DGKB: variants seen among roughly 807,000 people sequenced by gnomAD.
The protein encoded by DGKB is 90 kDa diacylglycerol kinase.
Under a neutral mutation model 114.3 loss-of-function variants are expected in DGKB, and 67 were observed. The ratio of observed to expected loss-of-function variants is 0.59; its 90% confidence interval spans 0.48 to 0.72. The LOEUF is 0.72. Ranked by LOEUF, DGKB falls within the 30% of genes least tolerant of loss-of-function variation. The pLI is 0.00. For missense variants in DGKB, 907 were observed against 975.2 expected, an observed-to-expected ratio of 0.93 and a Z score of 0.93; for synonymous variants, 398 against 323.1, an observed-to-expected ratio of 1.23 and a Z score of -2.49.
At chr7:14,241,985 C>T (rs10441024) in intron 23 of DGKB, among the ~76,000 whole-genome samples, 79,358 of 148,920 alleles carry the variant, frequency 0.53, 21,171 homozygotes, top group African/African-American at 0.62. Context: ...CACACACACA[C>T]ACATATATAT....
intron 6 of DGKB, among the ~76,000 whole-genome samples, chr7:14,715,322 T>C (rs1828013067): frequency 6.6e-6 from 1 of 152,086 alleles, no homozygotes; most frequent in South Asian, 2.1e-4. Flanking sequence ...GTAACAGAAG[T>C]GAATGGCTGA....
intron 21 of DGKB, among the ~76,000 whole-genome samples, chr7:14,433,821 T>C (rs1262339816): frequency 1.3e-5 from 2 of 152,210 alleles, no homozygotes; most frequent in East Asian, 1.9e-4. Flanking sequence ...TACAATGAGA[T>C]ATCTTGGGGA....
In DGKB at chr7:14,722,996, C is replaced by CCTTT. The variant is rs544191343; in HGVS notation, c.323-4315_323-4312dup. The stretch of plus-strand genomic sequence containing the variant: ...GAGTTATTTTTACACCCTACTCTAC[C>CCTTT]CTTTATTTATTTATTTATTTATTTA... On this transcript the variant is annotated intron_variant, in intron 5 of 25. Transcript: ENST00000402815. 3.0e-4 allele frequency among the ~76,000 whole-genome samples: 30 copies of CCTTT among 100,688 alleles called. No homozygotes were observed. The South Asian group carries it at 0.011, about 38-fold the overall frequency. The allele number at this position is 100,688 out of a possible 152,430, so 66.1% of individuals were successfully genotyped here.
At chr7:14,527,084 G>A (rs1015523885) in intron 20 of DGKB, among the ~76,000 whole-genome samples, 2 of 151,992 alleles carry the variant, frequency 1.3e-5, no homozygotes, top group African/African-American at 4.8e-5. Context: ...TTTCAGCATC[G>A]ATTTCTGGTT....
intron 20 of DGKB, among the ~76,000 whole-genome samples, chr7:14,522,560 C>T (rs879566781): frequency 6.6e-6 from 1 of 152,154 alleles, no homozygotes; most frequent in Non-Finnish European, 1.5e-5. Context: ...TCGGCAGTGG[C>T]AGCAAGCCCT....
At chr7:14,621,267 T>C (rs1168321837) in intron 15 of DGKB, 111 bp downstream of exon 15, 1 of 653,340 alleles carries the variant, frequency 1.5e-6, no homozygotes, top group African/African-American at 1.9e-5. Flanking sequence ...AAGAGTCTAC[T>C]AAGCTAATAT....
At position 14,970,032 on chromosome 7, in the gene DGKB, T is replaced by C. The variant is rs78796726; in HGVS notation, c.-188+4664A>G. On this transcript the variant is annotated intron_variant, in intron 1 of 4. Transcript: ENST00000437998. ...TCCATCCTTGACTGAAACATCATTA[T>C]GTGGCATGTGACTGTATTTGAAAGT... Among the ~76,000 whole-genome samples, 562 of 152,304 alleles carry C rather than the reference T, an allele frequency of 3.7e-3. 3 individuals are homozygous for C. The highest frequency in any genetic ancestry group is 0.013 in the African/African-American group (539 of 41,570).
At chr7:14,663,072 G>A (rs995149141) in intron 13 of DGKB, among the ~76,000 whole-genome samples, 3 of 151,930 alleles carry the variant, frequency 2.0e-5, no homozygotes, top group African/African-American at 7.2e-5. Context: ...GGGACAAAAT[G>A]TTAATAGCTC....
chr7:14,712,537 G>A (rs1258148100), intron 6 of DGKB, among the ~76,000 whole-genome samples: 1 of 152,074 alleles, frequency 6.6e-6, no homozygotes, highest in Non-Finnish European at 1.5e-5. Context: ...CAGGCATAGT[G>A]ACACATGCCT....
intron 23 of DGKB, among the ~76,000 whole-genome samples, chr7:14,275,442 G>A (rs1006743548): frequency 6.6e-6 from 1 of 152,104 alleles, no homozygotes; most frequent in Non-Finnish European, 1.5e-5. Context: ...ACTAATCCAG[G>A]CTTACATTTA....
chr7:14,186,458 G>A (rs1783452284), intron 23 of DGKB, among the ~76,000 whole-genome samples: 1 of 152,180 alleles, frequency 6.6e-6, no homozygotes, highest in Non-Finnish European at 1.5e-5. Flanking sequence ...AAAACAGTGT[G>A]GAGATTCCTT....
chr7:14,550,382 A>G (rs1317619516), intron 20 of DGKB, among the ~76,000 whole-genome samples: 1 of 152,184 alleles, frequency 6.6e-6, no homozygotes, highest in Non-Finnish European at 1.5e-5. Flanking sequence ...GCTCTGAGGT[A>G]AAATTATCAA....
At chr7:14,260,992 G>A (rs1796695394) in intron 23 of DGKB, among the ~76,000 whole-genome samples, 2 of 152,130 alleles carry the variant, frequency 1.3e-5, no homozygotes, top group Non-Finnish European at 2.9e-5. Flanking sequence ...TTCACTAAGT[G>A]TGTCTAGTAG....
chr7:14,593,866 A>G (rs1159293662), intron 17 of DGKB, among the ~76,000 whole-genome samples: 1 of 151,734 alleles, frequency 6.6e-6, no homozygotes, highest in East Asian at 1.9e-4. Context: ...ATCCAATCAG[A>G]AGGGGCCCAG....
chr7:14,572,344 C>T (rs1016191121), intron 20 of DGKB, among the ~76,000 whole-genome samples: 1 of 149,894 alleles, frequency 6.7e-6, no homozygotes, highest in Non-Finnish European at 1.5e-5. Flanking sequence ...CCCAGCTACT[C>T]GGGAGGCTGA....
chr7:14,969,823 T>C (rs1355536760), intron 1 of DGKB, among the ~76,000 whole-genome samples: 2 of 152,198 alleles, frequency 1.3e-5, no homozygotes, highest in Non-Finnish European at 2.9e-5. Context: ...AACACATTAC[T>C]AAACTGAATG....
At chr7:14,908,189 A>G (rs1374804254), upstream of DGKB, among the ~76,000 whole-genome samples, 1 of 152,210 alleles carries the variant, frequency 6.6e-6, no homozygotes, top group Non-Finnish European at 1.5e-5. Context: ...GTTTAAAAAA[A>G]GAGAAGGCAT....
At chr7:14,566,517 T>C (rs1797404548) in intron 20 of DGKB, among the ~76,000 whole-genome samples, 1 of 152,200 alleles carries the variant, frequency 6.6e-6, no homozygotes, top group Non-Finnish European at 1.5e-5. Context: ...TATTTTTCAA[T>C]TAATATCCAA....
chr7:14,615,760 A>G (rs1002265799), intron 15 of DGKB, among the ~76,000 whole-genome samples: 1 of 151,766 alleles, frequency 6.6e-6, no homozygotes, highest in Non-Finnish European at 1.5e-5. Flanking sequence ...GTCCTAACAT[A>G]TAAAGTATGA....
Sources: gnomAD v4.1 joint callset for allele counts (sites outside exome capture counted in the v4.1 genomes callset) on GRCh38, gnomAD v4.1.1 for gene constraint, MANE v1.5 for transcripts, NCBI Gene and HGNC (gene_info 2026-07-23, HGNC 2026-07-21) for gene names.